DNMT1: variants seen among roughly 807,000 people sequenced by gnomAD.
DNMT1 encodes the protein DNA methyltransferase 1.
DNMT1 carries 24 observed loss-of-function variants against 205.3 expected under a neutral mutation model. The ratio of observed to expected loss-of-function variants is 0.12; its 90% CI spans 0.08 to 0.16. DNMT1 has a LOEUF of 0.16. Among genes scored for constraint, DNMT1 ranks in the 10% least tolerant of loss-of-function variants. DNMT1 has a pLI of 1.00. For synonymous variants in DNMT1, 817 were observed against 839.8 expected (o/e 0.97, Z 0.47); for missense variants, 1,293 against 2,177.7 (o/e 0.59, Z 8.09).
At chr19:10,175,122 CACACACAT>C (rs761728485) in intron 7 of DNMT1, among the ~76,000 whole-genome samples, 1,519 of 115,168 alleles carry the variant, frequency 0.013, 24 homozygotes, top group East Asian at 0.07. Context: ...CACACACACA[CACACACAT>C]ATATATAACA....
In DNMT1 at chr19:10,151,917, C is replaced by T. The variant is rs981505387; in HGVS notation, c.2020-70G>A. 1.4e-6 allele frequency: 2 copies of T among 1,477,260 alleles called. No individual in the cohort carries two copies. Among genetic ancestry groups the T allele is most frequent in the Non-Finnish European group, 1.9e-6 (2 of 1,057,778 alleles). 91.5% of individuals were successfully genotyped at this position (1,477,260 alleles called of 1,614,324 possible). ...GTTCATGCCTGTAATCCCAGTATTTCAGAAGGCCGAGGCAGGCAGATCACT... is the reference window on the plus strand; with the variant it reads ...GTTCATGCCTGTAATCCCAGTATTTTAGAAGGCCGAGGCAGGCAGATCACT... On this transcript the variant is annotated intron_variant, in intron 22 of 40. Coordinates refer to ENST00000359526, the MANE Select transcript of DNMT1 (RefSeq NM_001130823.3). This position sits in a 1 kb window ranked among gnomAD's most constrained non-coding sequence, Gnocchi z 5.0.
rs577296608 is a variant in DNMT1, at chr19:10,194,609, G to T, written c.80+211C>A. The T allele has an allele frequency of 8.4e-5, 47 of 560,472 alleles. No individual in the cohort carries two copies. The African/African-American group carries it at 8.6e-4, about 10-fold the overall frequency. 34.7% of individuals were successfully genotyped at this position (560,472 alleles called of 1,614,324 possible). A position where few individuals can be genotyped will look rare whatever the true frequency, so the allele number is the denominator to read the frequency against. On this transcript the variant is annotated intron_variant, in intron 1 of 40. Coordinates refer to ENST00000359526, the MANE Select transcript of DNMT1 (RefSeq NM_001130823.3). The stretch of plus-strand genomic sequence containing the variant: ...TTCTAGCCACCAGGGAGCTACGGGG[G>T]AATCCACGGTCCATTTTGGCGCCAA...
Position 10,194,827 on chromosome 19 carries a change from G to C in DNMT1, c.73C>G (p.Arg25Gly). Residue 25 changes from arginine to glycine, a missense_variant, in exon 1 of 41, where the codon CGC becomes GGC. This residue lies in a region of DNMT1 where 394 missense variants were observed against 451.6 expected (regional missense o/e 0.87). Transcript: ENST00000359526. ...VPAISLPDDV[R>G]RRLKDLERDS... ...CCCCCCCATGGTACCTACCGCCTGC[G>C]GACATCGTCGGGCAGCGAGATGGCC... 1 of 1,611,832 alleles carries C rather than the reference G, an allele frequency of 6.2e-7. No individual in the cohort carries two copies. The highest frequency in any genetic ancestry group is 8.5e-7 in the Non-Finnish European group (1 of 1,179,230).
In DNMT1 at chr19:10,154,668, C is replaced by T. The variant is rs1227919940; in HGVS notation, c.1750G>A (p.Gly584Arg). ...AAGATGGGCTGCTCATCACTGTCCC[C>T]GGCCTCGTCATAACTCTCCACCTGC... is the stretch of plus-strand genomic sequence containing the variant. ...VEQVESYDEA[G>R]DSDEQPIFLT... Residue 584 changes from glycine to arginine, a missense_variant, in exon 21 of 41, where the codon GGG (glycine) becomes AGG (arginine). Physicochemically the swap from Gly to Arg is moderately radical, Grantham distance 125 (BLOSUM62 -2). This residue lies in a region of DNMT1 where 120 missense variants were observed against 315.9 expected (regional missense o/e 0.38). Transcript: ENST00000359526. This position sits in a 1 kb window ranked among gnomAD's most constrained non-coding sequence, Gnocchi z 6.3. The T allele has an allele frequency of 1.9e-6, 3 of 1,614,114 alleles. No individual in the cohort carries two copies. The highest frequency in any genetic ancestry group is 1.1e-5 in the South Asian group (1 of 91,094).
chr19:10,139,566 T>C, intron 34 of DNMT1, 110 bp downstream of exon 34: 4 of 1,519,504 alleles, frequency 2.6e-6, no homozygotes, highest in Non-Finnish European at 3.5e-6. Context: ...CTCTGCTGCC[T>C]GGATGGCAGG....
At chr19:10,165,616 C>T (rs1374472302) in intron 11 of DNMT1, among the ~76,000 whole-genome samples, 1 of 152,156 alleles carries the variant, frequency 6.6e-6, no homozygotes, top group Non-Finnish European at 1.5e-5. Flanking sequence ...TGGTCTCAGA[C>T]TCCTGACCTC....
At chr19:10,152,381 G>A (rs56125113) in intron 22 of DNMT1, among the ~76,000 whole-genome samples, 7,371 of 150,646 alleles carry the variant, frequency 0.049, 237 homozygotes, top group Middle Eastern at 0.083. Flanking sequence ...AGTACATTGG[G>A]AGGCTGAAGC....
At chr19:10,187,144 A>G (rs1193466643) in intron 1 of DNMT1, among the ~76,000 whole-genome samples, 2 of 152,008 alleles carry the variant, frequency 1.3e-5, no homozygotes, top group Admixed American at 6.6e-5. Flanking sequence ...ATCTTGTTCC[A>G]TAGTTAACAA....
Position 10,180,586 on chromosome 19 carries a change from T to G in DNMT1, c.226-17A>C. The G allele has an allele frequency of 6.2e-7, 1 of 1,611,944 alleles. No individual in the cohort carries two copies. Among genetic ancestry groups the G allele is most frequent in the South Asian group, 1.1e-5 (1 of 91,032 alleles). ...GTAGCCCTCCTACAGCAGGAAAGGA[T>G]AATTTAAGTAGCAGTGAATGTAAAC... On this transcript the variant is annotated splice_polypyrimidine_tract_variant and intron_variant, in intron 3 of 40. Transcript: ENST00000359526.
Position 10,141,140 on chromosome 19 carries a change from C to A in DNMT1, c.3359G>T (p.Arg1120Leu). 6.2e-7 allele frequency: 1 copy of A among 1,614,042 alleles called. No homozygotes were observed. The highest frequency in any genetic ancestry group is 8.5e-7 in the Non-Finnish European group (1 of 1,180,038). ...GCCCTTCCCTTTGTTTCCAGGGCTA[C>A]GGGCATGGTTGGGAGGATCTTCAAA... ...KSFEDPPNHA[R>L]SPGNKGKGKG... is the part of the protein sequence containing the mutation. The change falls in exon 31 of 41, where the codon CGT becomes CTT. Residue 1120 changes from arginine to leucine, a missense_variant. By Grantham distance (102) the Arg-to-Leu change is moderately radical. Coordinates refer to ENST00000359526, the MANE Select transcript of DNMT1 (RefSeq NM_001130823.3).
rs529155838 is a variant in DNMT1 at position 10,140,973 on chromosome 19, C to T, written c.3395-64G>A. The T allele has an allele frequency of 7.9e-5, 127 of 1,613,648 alleles. No homozygotes were observed. The highest frequency in any genetic ancestry group is 1.6e-4 in the East Asian group (7 of 44,880). ...AGTCCAAGTCCACCTTGCTCTCAAG[C>T]GCCTTGTTAACTCAGGCGGCCTCGC... is the stretch of plus-strand genomic sequence containing the variant. On this transcript the variant is annotated intron_variant, in intron 31 of 40. Coordinates refer to ENST00000359526, the MANE Select transcript of DNMT1 (RefSeq NM_001130823.3). This position sits in a 1 kb window ranked among gnomAD's most constrained non-coding sequence, Gnocchi z 8.4.
rs538290672 is a variant in DNMT1 at position 10,148,998 on chromosome 19, G to C, written c.2606C>G (p.Ser869Cys). 13 of 1,614,114 alleles carry C rather than the reference G, an allele frequency of 8.1e-6. No homozygotes were observed. The highest frequency in any genetic ancestry group is 3.3e-4 in the Middle Eastern group (2 of 6,048). The change falls in exon 27 of 41, where the codon TCC (serine) becomes TGC (cysteine). Residue 869 changes from serine to cysteine, a missense_variant. By Grantham distance (112) the Ser-to-Cys change is moderately radical (BLOSUM62 -1). Coordinates refer to ENST00000359526, the MANE Select transcript of DNMT1 (RefSeq NM_001130823.3). ...CTTCCCGTCGTCCCCCTCCAGCAGG[G>C]ACTCGGGATCCATGCCTCCCTTGGG... ...WAMEGGMDPESLLEGDDGKTY... is the reference protein window; with the variant it reads ...WAMEGGMDPECLLEGDDGKTY...
chr19:10,177,958 A>C (rs1283336403), intron 5 of DNMT1, among the ~76,000 whole-genome samples: 1 of 151,612 alleles, frequency 6.6e-6, no homozygotes, highest in Non-Finnish European at 1.5e-5. Flanking sequence ...AAGAAAAGAA[A>C]GAAAGAAAAA....
rs2089546596 is a variant in DNMT1 at position 10,138,843 on chromosome 19, C to G, written c.3949-238G>C. On this transcript the variant is annotated intron_variant, in intron 34 of 40. Coordinates refer to ENST00000359526, the MANE Select transcript of DNMT1 (RefSeq NM_001130823.3). This position sits in a 1 kb window ranked among gnomAD's most constrained non-coding sequence, Gnocchi z 4.1. ...CCACTGGGGAAGGTGGGAGCAAACC[C>G]TGCGGGGAAGTCCGGCCAGCTCTGA... Among the ~76,000 whole-genome samples the G allele has an allele frequency of 6.6e-6, 1 of 152,216 alleles. No homozygotes were observed. The highest frequency in any genetic ancestry group is 6.5e-5 in the Admixed American group (1 of 15,280).
intron 22 of DNMT1, among the ~76,000 whole-genome samples, chr19:10,153,550 C>A (rs2038392822): frequency 6.6e-6 from 1 of 151,016 alleles, no homozygotes; most frequent in South Asian, 2.1e-4. Context: ...GGTGGGAGAA[C>A]TGATTGAACC....
chr19:10,166,472 T>C, intron 11 of DNMT1, 126 bp downstream of exon 11: 1 of 1,126,328 alleles, frequency 8.9e-7, no homozygotes, highest in South Asian at 1.3e-5. Flanking sequence ...AGAGTCTGGA[T>C]GGCCCCATGG....
At chr19:10,148,234 C>A (rs6511611) in intron 27 of DNMT1, among the ~76,000 whole-genome samples, 3 of 150,610 alleles carry the variant, frequency 2.0e-5, no homozygotes, top group East Asian at 1.9e-4. Context: ...TGGTGGCTCA[C>A]GCCTGTAATC....
Position 10,151,738 on chromosome 19 carries a change from G to A in DNMT1, c.2117+12C>T, listed in dbSNP as rs762814727. 1.5e-5 allele frequency: 24 copies of A among 1,613,874 alleles called. No individual in the cohort carries two copies. Among genetic ancestry groups the A allele is most frequent in the Middle Eastern group, 3.3e-4 (2 of 6,084 alleles). On this transcript the variant is annotated intron_variant, in intron 23 of 40. Coordinates refer to ENST00000359526, the MANE Select transcript of DNMT1 (RefSeq NM_001130823.3). The surrounding 1 kb of genome is among the most constrained non-coding windows in gnomAD (Gnocchi z 5.0). ...GTCCTCTGCCACAGGAGGAAGACTCGGCCTGACCTACCTCCGCTCTTGGCA... is the reference window on the plus strand; with the variant it reads ...GTCCTCTGCCACAGGAGGAAGACTCAGCCTGACCTACCTCCGCTCTTGGCA...
At chr19:10,184,540 C>A (rs992630395) in intron 1 of DNMT1, 1 of 152,192 alleles carries the variant, frequency 6.6e-6, no homozygotes, top group African/African-American at 2.4e-5. Flanking sequence ...TGCAGTGCCG[C>A]GGTGCTGCGT....
Sources: allele counts gnomAD v4.1 joint callset (sites outside exome capture counted in the v4.1 genomes callset), GRCh38; gene constraint gnomAD v4.1.1; regional missense constraint gnomAD v4.1.1; non-coding constraint Gnocchi (gnomAD v3.1); transcripts MANE v1.5; gene names NCBI Gene and HGNC (gene_info 2026-07-23, HGNC 2026-07-21).